The following TENM3 variants were observed in gnomAD, a reference collection of about 807,000 sequenced individuals.
TENM3 encodes teneurin transmembrane protein 3.
Under a neutral mutation model 255.1 loss-of-function variants are expected in TENM3, and 63 were observed. The observed-to-expected ratio is 0.25, with a 90% CI of 0.20 to 0.30. The LOEUF (loss-of-function observed/expected upper bound fraction) is 0.30. Ranked by LOEUF, TENM3 falls within the 10% of genes least tolerant of loss-of-function variation. The pLI, the probability that TENM3 is intolerant of heterozygous loss-of-function variation, is 1.00. For synonymous variants in TENM3, 1,306 were observed against 1,322.3 expected, an observed-to-expected ratio of 0.99 and a Z score of 0.27; for missense variants, 2,929 against 3,461.1, an observed-to-expected ratio of 0.85 and a Z score of 3.86.
At chr4:181,564,542 C>A in the TENM3 span, among the ~76,000 whole-genome samples, 2 of 152,272 alleles carry the variant, frequency 1.3e-5, no homozygotes, top group Admixed American at 6.5e-5. Context: ...ATGACACCAA[C>A]TGTACCTATG....
intron 3 of TENM3, among the ~76,000 whole-genome samples, chr4:182,393,370 T>A: frequency 6.6e-6 from 1 of 152,162 alleles, no homozygotes; most frequent in East Asian, 1.9e-4. Context: ...TATACGCATC[T>A]TTAGACATAC....
chr4:182,081,601 A>T, the TENM3 span, among the ~76,000 whole-genome samples: 2 of 151,422 alleles, frequency 1.3e-5, no homozygotes, highest in African/African-American at 4.9e-5. Flanking sequence ...AAAAAAAAAA[A>T]AAAAGAAGAA....
chr4:181,738,695 C>T, the TENM3 span, among the ~76,000 whole-genome samples: 13 of 151,816 alleles, frequency 8.6e-5, no homozygotes, highest in Middle Eastern at 3.4e-3. Context: ...CACTTGTTTT[C>T]GTTCTCCCAA....
At chr4:181,520,728 T>C in the TENM3 span, among the ~76,000 whole-genome samples, 1 of 152,132 alleles carries the variant, frequency 6.6e-6, no homozygotes, top group African/African-American at 2.4e-5. Context: ...TCTTTCAGTA[T>C]CTACCTAATG....
the TENM3 span, among the ~76,000 whole-genome samples, chr4:181,629,205 A>T: frequency 6.6e-6 from 1 of 152,178 alleles, no homozygotes; most frequent in African/African-American, 2.4e-5. Flanking sequence ...GACTTTGCTG[A>T]AGTTGCTTAT....
rs117564146 is a variant in TENM3 at position 182,591,401 on chromosome 4, C to T, written c.512-9523C>T. 0.011 allele frequency among the ~76,000 whole-genome samples: 1,745 copies of T among 152,240 alleles called. 59 individuals are homozygous for T. The East Asian group carries it at 0.12, about 11-fold the overall frequency. ...TCTGTGTTCATCTGAGTAATACCTTCTAGGCAGTTTAAGTCTTTCTTTTGT... is the reference window on the plus strand; with the variant it reads ...TCTGTGTTCATCTGAGTAATACCTTTTAGGCAGTTTAAGTCTTTCTTTTGT... On this transcript the variant is annotated intron_variant, in intron 3 of 27. Transcript: ENST00000511685.
intron 22 of TENM3, among the ~76,000 whole-genome samples, chr4:182,758,522 C>T (rs1579371748): frequency 6.6e-6 from 1 of 152,104 alleles, no homozygotes; most frequent in African/African-American, 2.4e-5. Context: ...GGGTGTGCGG[C>T]GGGATGTGAG....
intron 5 of TENM3, among the ~76,000 whole-genome samples, chr4:182,638,517 C>T (rs1752038188): frequency 1.3e-5 from 2 of 152,188 alleles, no homozygotes. Context: ...TCCCATTGTA[C>T]AGTCTATACA....
the TENM3 span, among the ~76,000 whole-genome samples, chr4:181,799,555 A>G: frequency 6.6e-6 from 1 of 152,264 alleles, no homozygotes; most frequent in Admixed American, 6.5e-5. Flanking sequence ...AATTACTGTT[A>G]TAAACTTTTA....
the TENM3 span, among the ~76,000 whole-genome samples, chr4:181,711,385 G>C: frequency 0.014 from 2,172 of 152,290 alleles, 44 homozygotes; most frequent in African/African-American, 0.049. Flanking sequence ...GATAGAGTGA[G>C]TCAGAACTCC....
At chr4:181,537,954 C>T in the TENM3 span, among the ~76,000 whole-genome samples, 1 of 152,072 alleles carries the variant, frequency 6.6e-6, no homozygotes, top group Non-Finnish European at 1.5e-5. Flanking sequence ...GTGAAATGTA[C>T]CCTTCATACG....
At chr4:182,433,976 C>T (rs968291470) in intron 3 of TENM3, among the ~76,000 whole-genome samples, 72 of 152,152 alleles carry the variant, frequency 4.7e-4, no homozygotes, top group African/African-American at 1.6e-3. Flanking sequence ...ATTAGGCTAG[C>T]ATGGTGGCAT....
chr4:182,162,487 G>A (rs1751419391), intron 1 of TENM3, among the ~76,000 whole-genome samples: 1 of 152,204 alleles, frequency 6.6e-6, no homozygotes, highest in South Asian at 2.1e-4. Context: ...AAGGAAGAGA[G>A]AGGAATGTAT....
chr4:181,546,106 T>A, the TENM3 span, among the ~76,000 whole-genome samples: 4 of 152,218 alleles, frequency 2.6e-5, no homozygotes, highest in Non-Finnish European at 5.9e-5. Context: ...CTTGCGTTCT[T>A]ATGCATTGAG....
the TENM3 span, among the ~76,000 whole-genome samples, chr4:181,718,354 A>C: frequency 6.6e-6 from 1 of 152,174 alleles, no homozygotes; most frequent in East Asian, 1.9e-4. Flanking sequence ...TCTTCCACAT[A>C]AGCAAAATGT....
At chr4:181,723,310 A>G in the TENM3 span, among the ~76,000 whole-genome samples, 6 of 150,078 alleles carry the variant, frequency 4.0e-5, no homozygotes, top group Admixed American at 2.0e-4. Context: ...TAGAATCTCC[A>G]TTCGTTATCT....
Position 182,678,714 on chromosome 4 carries a change from G to A in TENM3, c.1327-952G>A, listed in dbSNP as rs115072840. Among the ~76,000 whole-genome samples, 582 of 152,322 alleles carry A rather than the reference G, an allele frequency of 3.8e-3. 1 individual carries two copies. Among genetic ancestry groups the A allele is most frequent in the African/African-American group, 0.013 (556 of 41,578 alleles). On this transcript the variant is annotated intron_variant, in intron 7 of 27. Coordinates refer to ENST00000511685, the MANE Select transcript of TENM3 (RefSeq NM_001080477.4). ...GAGGGTTCCTATGAGGAACCAGCAC[G>A]GAGTAAGGATTCAACAGTAGTTGTT...
chr4:181,922,267 T>G, the TENM3 span, among the ~76,000 whole-genome samples: 1 of 152,164 alleles, frequency 6.6e-6, no homozygotes. Context: ...TTAGGGAGGA[T>G]TCCCTCTTTT....
At chr4:182,000,773 G>C in the TENM3 span, among the ~76,000 whole-genome samples, 1 of 149,960 alleles carries the variant, frequency 6.7e-6, no homozygotes, top group African/African-American at 2.5e-5. Context: ...GTTTACATTT[G>C]CCGAATTAGA....
Sources: gnomAD v4.1 joint callset for allele counts (sites outside exome capture counted in the v4.1 genomes callset) on GRCh38, gnomAD v4.1.1 for gene constraint, MANE v1.5 for transcripts, NCBI Gene and HGNC (gene_info 2026-07-23, HGNC 2026-07-21) for gene names.